The following MGA variants were observed in gnomAD, a reference collection of about 807,000 sequenced individuals.
The protein encoded by MGA is MAX dimerization protein MGA.
Under a neutral mutation model 261.1 loss-of-function variants are expected in MGA, and 40 were observed. The observed-to-expected ratio is 0.15, with a 90% CI of 0.12 to 0.20. The LOEUF (loss-of-function observed/expected upper bound fraction) is 0.20. MGA is among the 10% of genes least tolerant of loss of function. MGA has a pLI of 1.00. For synonymous variants in MGA, 1,302 were observed against 1,290.6 expected, an observed-to-expected ratio of 1.01 and a Z score of -0.19; for missense variants, 3,397 against 3,630.5, an observed-to-expected ratio of 0.94 and a Z score of 1.65.
chr15:41,711,366 T>C lies in MGA; in HGVS notation c.3084+17T>C. 1.3e-6 allele frequency: 2 copies of C among 1,570,022 alleles called. No homozygotes were observed. The highest frequency in any genetic ancestry group is 1.7e-6 in the Non-Finnish European group (2 of 1,160,236). On this transcript the variant is annotated intron_variant, in intron 8 of 23. Coordinates refer to ENST00000219905, the MANE Select transcript of MGA (RefSeq NM_001164273.2). The stretch of plus-strand genomic sequence containing the variant: ...ACAGCTCAAGTAAGTAGCTGCTGTT[T>C]TCTGGAGGTATATTAGTGCTTGGCT...
rs1168826573 is a variant in MGA at position 41,749,580 on chromosome 15, G to A, written c.5973G>A (p.Lys1991=). Reference sequence around the variant, plus strand: ...CAATAAAAAGAGAGCAAGAAACGAAGAAGGTTCTACAGTCAGAAGGAGAGG... The same window carrying A: ...CAATAAAAAGAGAGCAAGAAACGAAAAAGGTTCTACAGTCAGAAGGAGAGG... Residue 1991 remains lysine, a synonymous_variant, in exon 17 of 24, where the codon AAG becomes AAA. Coordinates refer to ENST00000219905, the MANE Select transcript of MGA (RefSeq NM_001164273.2). The A allele has an allele frequency of 1.2e-6, 2 of 1,613,842 alleles. No individual in the cohort carries two copies. The highest frequency in any genetic ancestry group is 2.7e-5 in the African/African-American group (2 of 74,926).
chr15:41,762,100 A>G (rs2063493137), intron 21 of MGA, 29 bp from the exon 22 acceptor site: 2 of 1,538,390 alleles, frequency 1.3e-6, no homozygotes, highest in African/African-American at 2.7e-5. Flanking sequence ...GTAATGCTGA[A>G]AGTGCTAATG....
intron 13 of MGA, among the ~76,000 whole-genome samples, chr15:41,739,128 T>TAA (rs1248167201): frequency 6.8e-6 from 1 of 148,076 alleles, no homozygotes; most frequent in African/African-American, 2.5e-5. Context: ...TTTCTTTCTT[T>TAA]AAAAAAAAAA....
intron 18 of MGA, among the ~76,000 whole-genome samples, chr15:41,756,169 G>A (rs984262757): frequency 6.6e-5 from 10 of 152,116 alleles, no homozygotes; most frequent in East Asian, 1.9e-4. Flanking sequence ...TTTGCCATAC[G>A]TATTAACTAA....
rs1479745109 is a variant in MGA at position 41,711,279 on chromosome 15, A to G, written c.3014A>G (p.Glu1005Gly). The change falls in exon 8 of 24, where the codon GAA becomes GGA. Residue 1005 changes from glutamate (E) to glycine (G), a missense_variant. Coordinates refer to ENST00000219905, the MANE Select transcript of MGA (RefSeq NM_001164273.2). ...GACCTGGAAGACTGTGCACTTTGGG[A>G]AGGAAAACCAAGGACATACATCACA... 12 of 1,613,946 alleles carry G rather than the reference A, an allele frequency of 7.4e-6. No individual in the cohort carries two copies. Among genetic ancestry groups the G allele is most frequent in the Non-Finnish European group, 1.0e-5 (12 of 1,179,870 alleles).
rs2062709152 is a variant in MGA, at chr15:41,749,479, T to A, written c.5872T>A (p.Ser1958Thr). The stretch of plus-strand genomic sequence containing the variant: ...CCCAGGACAAAAGCCTGTTCCTAGC[T>A]CCATTCTTCAGCATGTTGCTTCCCT... Residue 1958 changes from serine (S) to threonine (T), a missense_variant, in exon 17 of 24, where the codon TCC becomes ACC. By Grantham distance (58) the Ser-to-Thr change is moderately conservative. This residue lies in a region of MGA where 1,410 missense variants were observed against 1,386.4 expected (regional missense o/e 1.02). Coordinates refer to ENST00000219905, the MANE Select transcript of MGA (RefSeq NM_001164273.2). The A allele has an allele frequency of 6.2e-7, 1 of 1,613,834 alleles. No individual in the cohort carries two copies. Among genetic ancestry groups the A allele is most frequent in the Non-Finnish European group, 8.5e-7 (1 of 1,179,894 alleles).
chr15:41,758,181 T>G (rs557244046), intron 19 of MGA, among the ~76,000 whole-genome samples: 48 of 152,092 alleles, frequency 3.2e-4, no homozygotes, highest in Non-Finnish European at 5.3e-4. Flanking sequence ...TTTTAAGTGA[T>G]TTAAAAAACT....
chr15:41,626,666 A>G (rs1208510043), intron 1 of MGA, among the ~76,000 whole-genome samples: 1 of 151,990 alleles, frequency 6.6e-6, no homozygotes, highest in East Asian at 1.9e-4. Flanking sequence ...CAGGAGATCC[A>G]CCCGCCTTGG....
chr15:41,702,391 T>G (rs8034261), intron 5 of MGA, among the ~76,000 whole-genome samples: 114,848 of 151,792 alleles, frequency 0.76, 44,654 homozygotes, highest in East Asian at 0.89. Flanking sequence ...AATATTTGTA[T>G]TAACTGGGTG....
chr15:41,736,823 AATT>A, intron 13 of MGA, 125 bp downstream of exon 13: 2 of 1,102,846 alleles, frequency 1.8e-6, no homozygotes, highest in Non-Finnish European at 2.5e-6. Flanking sequence ...TGGGTGACAA[AATT>A]ATTATCTCTT....
intron 2 of MGA, among the ~76,000 whole-genome samples, chr15:41,671,579 T>C (rs577367577): frequency 6.6e-6 from 1 of 152,258 alleles, no homozygotes; most frequent in East Asian, 1.9e-4. Context: ...TCCACCCGCC[T>C]CCGCCTCCCA....
chr15:41,684,583 G>A (rs890693832), intron 2 of MGA: 2 of 301,856 alleles, frequency 6.6e-6, no homozygotes, highest in Admixed American at 4.4e-5. Flanking sequence ...AGATGTGAAA[G>A]CAGTTATTGC....
At chr15:41,660,668 T>TG (rs1216838223) in intron 1 of MGA, 143 bp downstream of exon 1, 1 of 152,508 alleles carries the variant, frequency 6.6e-6, no homozygotes, top group Non-Finnish European at 1.5e-5. Context: ...GGCCGGGCCT[T>TG]GCGCAGGGCC....
chr15:41,700,635 T>A (rs181424890), intron 5 of MGA, among the ~76,000 whole-genome samples: 91 of 152,352 alleles, frequency 6.0e-4, no homozygotes, highest in African/African-American at 2.1e-3. Flanking sequence ...ATGCATTATC[T>A]TGACCTTGAT....
chr15:41,651,507 C>A (rs2057041833), intron 1 of MGA, among the ~76,000 whole-genome samples: 1 of 151,736 alleles, frequency 6.6e-6, no homozygotes, highest in Non-Finnish European at 1.5e-5. Flanking sequence ...AAAGAAAAGT[C>A]CCCTTTCTTT....
Position 41,749,833 on chromosome 15 carries a change from A to C in MGA, c.6226A>C (p.Ser2076Arg), listed in dbSNP as rs1206373315. ...AGAATATGGGGCTAGGAATCGTAAGAGTTCCAAAGAAAAAGTGGCTGTTCT... is the reference window on the plus strand; with the variant it reads ...AGAATATGGGGCTAGGAATCGTAAGCGTTCCAAAGAAAAAGTGGCTGTTCT... The change falls in exon 17 of 24, where the codon AGT becomes CGT. Residue 2076 changes from serine (S) to arginine (R), a missense_variant. Around this residue, in one of 9 missense-constraint regions of MGA, gnomAD observed 1,410 missense variants for 1,386.4 expected, o/e 1.02. Coordinates refer to ENST00000219905, the MANE Select transcript of MGA (RefSeq NM_001164273.2). The C allele has an allele frequency of 6.8e-6, 11 of 1,613,964 alleles. No individual in the cohort carries two copies. The highest frequency in any genetic ancestry group is 8.5e-6 in the Non-Finnish European group (10 of 1,179,886).
At chr15:41,736,021 C>T (rs1174786810) in intron 12 of MGA, among the ~76,000 whole-genome samples, 160 bp from the exon 13 acceptor site, 1 of 152,148 alleles carries the variant, frequency 6.6e-6, no homozygotes, top group Admixed American at 6.5e-5. Flanking sequence ...GGAACTTTTT[C>T]TTCCTGGAAA....
chr15:41,726,485 TG>T (rs772919251), intron 9 of MGA, among the ~76,000 whole-genome samples: 7 of 152,296 alleles, frequency 4.6e-5, no homozygotes, highest in Non-Finnish European at 1.0e-4. Context: ...TCTGGCACTG[TG>T]GGAGGCCAAG....
rs902896136 is a variant in MGA, at chr15:41,760,325, T to C, written c.7194T>C (p.Ala2398=). The C allele has an allele frequency of 2.5e-6, 4 of 1,613,762 alleles. No individual in the cohort carries two copies. In the African/African-American group the frequency reaches 5.3e-5, roughly 22 times the overall value. The change falls in exon 20 of 24, where the codon GCT becomes GCC. Residue 2398 remains alanine, a splice_region_variant and synonymous_variant. Transcript: ENST00000219905. The stretch of plus-strand genomic sequence containing the variant: ...AGGAGGCAATCTTGTTTGGACAGGC[T>C]CCACCAATTCCTCTAAAACTGAAGC...
Sources: gnomAD v4.1 joint callset for allele counts (sites outside exome capture counted in the v4.1 genomes callset) on GRCh38, gnomAD v4.1.1 for gene constraint, gnomAD v4.1.1 regional missense constraint, MANE v1.5 for transcripts, NCBI Gene and HGNC (gene_info 2026-07-23, HGNC 2026-07-21) for gene names.